CARMIL1: variants seen among roughly 807,000 people sequenced by gnomAD.
CARMIL1 encodes capping protein regulator and myosin 1 linker 1.
Under a neutral mutation model 177.1 loss-of-function variants are expected in CARMIL1, and 90 were observed. That is an observed-to-expected ratio of 0.51 (90% CI 0.43 to 0.61). CARMIL1 has a LOEUF of 0.61. Among genes scored for constraint, CARMIL1 ranks in the 20% least tolerant of loss-of-function variants. The probability of loss-of-function intolerance (pLI) is 0.00; values close to 1 mark genes in which losing one functional copy is unlikely to be tolerated. For synonymous variants in CARMIL1, 577 were observed against 606.2 expected (o/e 0.95, Z 0.71); for missense variants, 1,380 against 1,667.0 (o/e 0.83, Z 3.00).
At chr6:25,562,617 A>G (rs527626786) in intron 29 of CARMIL1, among the ~76,000 whole-genome samples, 1 of 152,316 alleles carries the variant, frequency 6.6e-6, no homozygotes, top group South Asian at 2.1e-4. Flanking sequence ...GCTACCCAAG[A>G]GACAAAAGAT....
chr6:25,312,919 A>AC (rs1174171754), intron 2 of CARMIL1, among the ~76,000 whole-genome samples: 32 of 133,112 alleles, frequency 2.4e-4, no homozygotes, highest in East Asian at 2.5e-4. Flanking sequence ...AAAAAAAAAA[A>AC]AAAAAAAAAA....
chr6:25,451,986 G>GGGGGGGGGGGCCC, intron 8 of CARMIL1: 1 of 112,670 alleles, frequency 8.9e-6, no homozygotes, highest in Non-Finnish European at 1.7e-5. Context: ...CTAGCATCTT[G>GGGGGGGGGGGCCC]CCCCCCCCTC....
chr6:25,581,292 C>T lies in CARMIL1; in HGVS notation c.2859C>T (p.Ile953=), dbSNP rs1183912562. 9 of 1,613,916 alleles carry T rather than the reference C, an allele frequency of 5.6e-6. No homozygotes were observed. Among genetic ancestry groups the T allele is most frequent in the Non-Finnish European group, 7.6e-6 (9 of 1,179,864 alleles). ...CGCTGGAAGAGGTACCAATTCACAT[C>T]GAAGACCCGCCCTTCCCATCCCTCA... ...DKALEEVPIH[I]EDPPFPSLRQ... Residue 953 remains isoleucine, a synonymous_variant, in exon 31 of 37, where the codon ATC becomes ATT. Transcript: ENST00000329474.
At chr6:25,560,518 C>A (rs1426221980) in intron 29 of CARMIL1, among the ~76,000 whole-genome samples, 1 of 152,004 alleles carries the variant, frequency 6.6e-6, no homozygotes, top group Non-Finnish European at 1.5e-5. Flanking sequence ...CTATTCTGAG[C>A]TCTTTGTGAC....
intron 29 of CARMIL1, among the ~76,000 whole-genome samples, chr6:25,560,654 G>A (rs1373588761): frequency 1.3e-5 from 2 of 152,156 alleles, no homozygotes; most frequent in African/African-American, 4.8e-5. Context: ...CCAAAGGCAG[G>A]CAGTTTGGTG....
intron 17 of CARMIL1, among the ~76,000 whole-genome samples, chr6:25,501,168 G>C (rs1401982346): frequency 6.6e-6 from 1 of 152,138 alleles, no homozygotes; most frequent in Admixed American, 6.5e-5. Context: ...GGCCTGTTCA[G>C]AGCCTGACTT....
At chr6:25,281,285 C>G (rs1781101907) in intron 1 of CARMIL1, among the ~76,000 whole-genome samples, 1 of 151,970 alleles carries the variant, frequency 6.6e-6, no homozygotes, top group African/African-American at 2.4e-5. Flanking sequence ...ACCTTTCCAA[C>G]ACCCCAAGCA....
At chr6:25,611,412 C>A (rs904620019) in intron 36 of CARMIL1, among the ~76,000 whole-genome samples, 3 of 152,304 alleles carry the variant, frequency 2.0e-5, no homozygotes, top group Admixed American at 6.5e-5. Flanking sequence ...AAAGGAAGGA[C>A]CTTTGGTGAT....
chr6:25,286,367 C>T (rs905704375), intron 2 of CARMIL1, among the ~76,000 whole-genome samples: 1 of 152,106 alleles, frequency 6.6e-6, no homozygotes, highest in Non-Finnish European at 1.5e-5. Context: ...ATATACAAGT[C>T]GGGATGGTAA....
rs552003976 is a variant in CARMIL1 at position 25,305,856 on chromosome 6, C to T, written c.138+20947C>T. Among the ~76,000 whole-genome samples the T allele has an allele frequency of 9.6e-4, 146 of 152,320 alleles. 1 individual carries two copies. Among genetic ancestry groups the T allele is most frequent in the African/African-American group, 3.1e-3 (130 of 41,582 alleles). On this transcript the variant is annotated intron_variant, in intron 2 of 36. Coordinates refer to ENST00000329474, the MANE Select transcript of CARMIL1 (RefSeq NM_017640.6). ...GTGAGGCCTGTGCCTGTCTCTACCA[C>T]TGAAGACATGTTCATCAAGCCAATA...
intron 1 of CARMIL1, among the ~76,000 whole-genome samples, chr6:25,281,136 G>GCGCGCGCACACACACACACACACA (rs10642536): frequency 7.6e-6 from 1 of 132,102 alleles, no homozygotes; most frequent in Non-Finnish European, 1.6e-5. Flanking sequence ...GTGCGCGCGC[G>GCGCGCGCACACACACACACACACA]CACACACACA....
intron 24 of CARMIL1, among the ~76,000 whole-genome samples, chr6:25,536,983 C>A (rs761835202): frequency 2.0e-5 from 3 of 152,086 alleles, no homozygotes; most frequent in Non-Finnish European, 4.4e-5. Flanking sequence ...ATTGGAGACA[C>A]TTTTAAAACC....
At chr6:25,385,340 G>A (rs1792045124) in intron 2 of CARMIL1, among the ~76,000 whole-genome samples, 4 of 152,152 alleles carry the variant, frequency 2.6e-5, no homozygotes, top group Non-Finnish European at 5.9e-5. Context: ...GTCTATGAAC[G>A]GGATTCGAAC....
Position 25,465,924 on chromosome 6 carries a change from A to G in CARMIL1, c.666A>G (p.Lys222=). Residue 222 remains lysine, a synonymous_variant, in exon 9 of 37, where the codon AAA becomes AAG. Transcript: ENST00000329474. ...AALEYNQWFT[K]LSSKDLKLST... ...TGGAATATAATCAGTGGTTCACAAAACTGTCCTCTAAGGATCTAAAACTGG... is the reference window on the plus strand; with the variant it reads ...TGGAATATAATCAGTGGTTCACAAAGCTGTCCTCTAAGGATCTAAAACTGG... 6.2e-7 allele frequency: 1 copy of G among 1,611,880 alleles called. No individual in the cohort carries two copies. Among genetic ancestry groups the G allele is most frequent in the Non-Finnish European group, 8.5e-7 (1 of 1,178,092 alleles).
chr6:25,467,443 T>G (rs1800712058), intron 9 of CARMIL1, among the ~76,000 whole-genome samples: 1 of 152,226 alleles, frequency 6.6e-6, no homozygotes, highest in African/African-American at 2.4e-5. Context: ...TTCAAACATT[T>G]ACATAAGCTT....
At chr6:25,377,519 G>T (rs1007807421) in intron 2 of CARMIL1, among the ~76,000 whole-genome samples, 7 of 152,152 alleles carry the variant, frequency 4.6e-5, no homozygotes, top group African/African-American at 2.4e-5. Flanking sequence ...TGGTGCTGGG[G>T]GATGTCTCCA....
intron 2 of CARMIL1, among the ~76,000 whole-genome samples, chr6:25,330,787 T>C (rs1392838597): frequency 1.3e-5 from 2 of 152,120 alleles, no homozygotes; most frequent in Non-Finnish European, 2.9e-5. Flanking sequence ...AGTGCTGACC[T>C]TTTGCCATTT....
intron 16 of CARMIL1, among the ~76,000 whole-genome samples, chr6:25,497,678 C>T (rs923749225): frequency 6.6e-6 from 1 of 152,146 alleles, no homozygotes; most frequent in Non-Finnish European, 1.5e-5. Flanking sequence ...CCTTGTTTCT[C>T]TAAGGGTTTG....
intron 2 of CARMIL1, among the ~76,000 whole-genome samples, chr6:25,344,142 G>A (rs989611346): frequency 3.3e-5 from 5 of 151,964 alleles, no homozygotes; most frequent in African/African-American, 1.2e-4. Context: ...TCTCATCACC[G>A]GTGACTTCAG....
Sources: gnomAD v4.1 joint callset for allele counts (sites outside exome capture counted in the v4.1 genomes callset) on GRCh38, gnomAD v4.1.1 for gene constraint, MANE v1.5 for transcripts, NCBI Gene and HGNC (gene_info 2026-07-23, HGNC 2026-07-21) for gene names.